Variants in MIPOL1 observed in about 807,000 individuals in gnomAD.
MIPOL1 encodes the protein mirror-image polydactyly 1, also known as mirror-image polydactyly gene 1 protein.
Under a neutral mutation model 60.9 loss-of-function variants are expected in MIPOL1, and 57 were observed. That is an observed-to-expected ratio of 0.94 (90% CI 0.76 to 1.17). The LOEUF (loss-of-function observed/expected upper bound fraction) is 1.17, where lower values mean the gene tolerates loss of function less well. MIPOL1 is among the 50% of genes most tolerant of loss of function. The probability of loss-of-function intolerance (pLI) is 0.00; values close to 1 mark genes in which losing one functional copy is unlikely to be tolerated. For missense variants in MIPOL1, 551 were observed against 511.6 expected, an observed-to-expected ratio of 1.08 and a Z score of -0.74; for synonymous variants, 179 against 168.8, an observed-to-expected ratio of 1.06 and a Z score of -0.47.
intron 11 of MIPOL1, among the ~76,000 whole-genome samples, chr14:37,465,392 A>G (rs1594509249): frequency 1.3e-5 from 2 of 152,288 alleles, no homozygotes; most frequent in Admixed American, 6.5e-5. Context: ...TTTCTCTTCC[A>G]TACACCAGCT....
chr14:37,206,442 G>T (rs1442871084), intron 1 of MIPOL1, among the ~76,000 whole-genome samples: 5 of 152,198 alleles, frequency 3.3e-5, no homozygotes, highest in African/African-American at 4.8e-5. Flanking sequence ...GCAGAAGTTT[G>T]CTACAGGGAT....
At position 37,550,814 on chromosome 14, in the gene MIPOL1, C is replaced by T. The variant is rs2153645617; in HGVS notation, c.*3843C>T. On this transcript the variant is annotated 3_prime_UTR_variant, in exon 13 of 13. Coordinates refer to ENST00000684589, the MANE Select transcript of MIPOL1 (RefSeq NM_001388067.1). The stretch of plus-strand genomic sequence containing the variant: ...CAGCATACGTTCCAGAAGAGCATCT[C>T]AAGTTACCAAATTTTTTGTAATCCT... 1 of 152,630 alleles carries T rather than the reference C, an allele frequency of 6.6e-6. No homozygotes were observed. The highest frequency in any genetic ancestry group is 1.5e-5 in the Non-Finnish European group (1 of 67,974). 9.5% of individuals were successfully genotyped at this position (152,630 alleles called of 1,614,324 possible).
At chr14:37,470,892 T>C (rs1341876917) in intron 11 of MIPOL1, among the ~76,000 whole-genome samples, 1 of 152,166 alleles carries the variant, frequency 6.6e-6, no homozygotes, top group Non-Finnish European at 1.5e-5. Flanking sequence ...AAGATACTTG[T>C]AAAGTGTCTT....
chr14:37,377,746 C>CTT (rs370238755), intron 10 of MIPOL1, among the ~76,000 whole-genome samples: 64,893 of 120,662 alleles, frequency 0.54, 19,088 homozygotes, highest in Non-Finnish European at 0.65. Context: ...ATTTTTATGC[C>CTT]TTTTTTTTTT....
At chr14:37,428,210 A>G (rs183035256) in intron 11 of MIPOL1, among the ~76,000 whole-genome samples, 46 of 152,324 alleles carry the variant, frequency 3.0e-4, no homozygotes, top group Middle Eastern at 3.4e-3. Context: ...CAACTCTCCA[A>G]CAGCCAAAAC....
At chr14:37,405,229 G>A (rs1328425691) in intron 10 of MIPOL1, among the ~76,000 whole-genome samples, 1 of 152,116 alleles carries the variant, frequency 6.6e-6, no homozygotes, top group Admixed American at 6.5e-5. Context: ...GTTGTCTGAA[G>A]CATCCAAAAG....
At chr14:37,280,890 T>TC (rs1439786499) in intron 6 of MIPOL1, among the ~76,000 whole-genome samples, 1 of 152,096 alleles carries the variant, frequency 6.6e-6, no homozygotes, top group Non-Finnish European at 1.5e-5. Flanking sequence ...ATTGAATAGT[T>TC]CGAGTTCCTT....
intron 11 of MIPOL1, among the ~76,000 whole-genome samples, chr14:37,490,704 G>C (rs1000058250): frequency 6.6e-6 from 1 of 152,102 alleles, no homozygotes; most frequent in Non-Finnish European, 1.5e-5. Context: ...GTAGGGAAGA[G>C]AATTTCCTGA....
chr14:37,509,980 A>T (rs1483328512), intron 12 of MIPOL1, among the ~76,000 whole-genome samples: 7 of 151,700 alleles, frequency 4.6e-5, no homozygotes, highest in Non-Finnish European at 8.8e-5. Context: ...ATATGCATAC[A>T]TACGTAGTTT....
chr14:37,375,242 T>A (rs972855775), intron 10 of MIPOL1, among the ~76,000 whole-genome samples: 20 of 152,266 alleles, frequency 1.3e-4, no homozygotes, highest in African/African-American at 4.8e-4. Context: ...AGTGTCTCAC[T>A]GTGTCACCTA....
At chr14:37,456,943 T>G (rs1248347947) in intron 11 of MIPOL1, among the ~76,000 whole-genome samples, 1 of 152,178 alleles carries the variant, frequency 6.6e-6, no homozygotes, top group African/African-American at 2.4e-5. Context: ...TCTTGAAAAT[T>G]GTAACTAATA....
chr14:37,272,364 T>C (rs1182064247), intron 6 of MIPOL1, among the ~76,000 whole-genome samples: 2 of 151,676 alleles, frequency 1.3e-5, no homozygotes, highest in Non-Finnish European at 3.0e-5. Flanking sequence ...GTATTTTTCC[T>C]ATAACATTAG....
In MIPOL1 at chr14:37,540,150, T is replaced by G. The variant is rs141247737; in HGVS notation, c.1263-6755T>G. On this transcript the variant is annotated intron_variant, in intron 12 of 12. Coordinates refer to ENST00000684589, the MANE Select transcript of MIPOL1 (RefSeq NM_001388067.1). Reference sequence around the variant, plus strand: ...TTACCCAGTCTTGGGCAGCCCTTTATAGCAGTGTGAGAACAGACTAATACA... The same window carrying G: ...TTACCCAGTCTTGGGCAGCCCTTTAGAGCAGTGTGAGAACAGACTAATACA... Among the ~76,000 whole-genome samples, 12 of 152,328 alleles carry G rather than the reference T, an allele frequency of 7.9e-5. 1 individual carries two copies. The East Asian group carries it at 2.3e-3, about 29-fold the overall frequency.
intron 3 of MIPOL1, among the ~76,000 whole-genome samples, chr14:37,262,993 T>C (rs2082619199): frequency 6.6e-6 from 1 of 152,214 alleles, no homozygotes; most frequent in Non-Finnish European, 1.5e-5. Context: ...TTCTGTATAG[T>C]GGTCATTAAA....
intron 1 of MIPOL1, chr14:37,212,088 G>A (rs530999849): frequency 1.3e-5 from 2 of 152,154 alleles, no homozygotes; most frequent in Non-Finnish European, 2.9e-5. Flanking sequence ...TACATCAAGG[G>A]TGTTGGGTGA....
chr14:37,451,169 C>T (rs942404886), intron 11 of MIPOL1, among the ~76,000 whole-genome samples: 4 of 152,056 alleles, frequency 2.6e-5, no homozygotes, highest in African/African-American at 9.7e-5. Context: ...TTATTGACAC[C>T]TCTTCCCAAG....
At chr14:37,527,141 A>G (rs940930462) in intron 12 of MIPOL1, among the ~76,000 whole-genome samples, 4 of 152,072 alleles carry the variant, frequency 2.6e-5, no homozygotes, top group Admixed American at 6.6e-5. Context: ...ATTGATTTAT[A>G]AAAACTCTGA....
intron 12 of MIPOL1, among the ~76,000 whole-genome samples, chr14:37,522,744 C>T (rs985495128): frequency 1.3e-5 from 2 of 151,994 alleles, no homozygotes; most frequent in African/African-American, 2.4e-5. Context: ...CATCATTTAT[C>T]GTGTAGTATA....
At chr14:37,209,153 T>C (rs960074190) in intron 1 of MIPOL1, among the ~76,000 whole-genome samples, 1 of 152,220 alleles carries the variant, frequency 6.6e-6, no homozygotes, top group Non-Finnish European at 1.5e-5. Context: ...TTAGTTGTTA[T>C]GTTTCCAGTG....
Sources: allele counts gnomAD v4.1 joint callset (sites outside exome capture counted in the v4.1 genomes callset), GRCh38; gene constraint gnomAD v4.1.1; transcripts MANE v1.5; gene names NCBI Gene and HGNC (gene_info 2026-07-23, HGNC 2026-07-21).